The following RAB3C variants were observed in gnomAD, a reference collection of about 807,000 sequenced individuals.
The protein encoded by RAB3C is RAB3C, member RAS oncogene family, also known as ras-related protein Rab-3C.
RAB3C carries 17 observed loss-of-function variants against 26.4 expected under a neutral mutation model. The ratio of observed to expected loss-of-function variants is 0.64; its 90% CI spans 0.44 to 0.97. The LOEUF (loss-of-function observed/expected upper bound fraction) is 0.97, where lower values mean the gene tolerates loss of function less well. RAB3C is among the 50% of genes least tolerant of loss of function. The pLI, the probability that RAB3C is intolerant of heterozygous loss-of-function variation, is 0.00. For missense variants in RAB3C, 242 were observed against 281.9 expected, an observed-to-expected ratio of 0.86 and a Z score of 1.01; for synonymous variants, 91 against 95.9, an observed-to-expected ratio of 0.95 and a Z score of 0.30.
chr5:58,804,640 A>G (rs1479452506), intron 3 of RAB3C, among the ~76,000 whole-genome samples: 1 of 151,964 alleles, frequency 6.6e-6, no homozygotes, highest in African/African-American at 2.4e-5. Context: ...CCAGGGAGAG[A>G]AAGTCACAGT....
intron 2 of RAB3C, among the ~76,000 whole-genome samples, chr5:58,638,996 T>A (rs1405763531): frequency 1.4e-5 from 1 of 70,652 alleles, no homozygotes; most frequent in South Asian, 3.8e-4. Context: ...CACAGCTCCC[T>A]AGATCTACAC....
chr5:58,654,961 A>G (rs1182917069), intron 2 of RAB3C, among the ~76,000 whole-genome samples: 3 of 152,188 alleles, frequency 2.0e-5, no homozygotes, highest in Non-Finnish European at 2.9e-5. Context: ...ATGCACATAT[A>G]ATTTTAGGTA....
intron 3 of RAB3C, among the ~76,000 whole-genome samples, chr5:58,798,135 G>A (rs1244501918): frequency 6.6e-6 from 1 of 151,978 alleles, no homozygotes; most frequent in East Asian, 1.9e-4. Flanking sequence ...GCTAATATAG[G>A]GAAAATGACA....
At chr5:58,756,255 T>C (rs1022622199) in intron 3 of RAB3C, among the ~76,000 whole-genome samples, 4 of 149,348 alleles carry the variant, frequency 2.7e-5, no homozygotes, top group Admixed American at 6.7e-5. Flanking sequence ...GATGGCCCTT[T>C]ACGCCAAACA....
intron 2 of RAB3C, among the ~76,000 whole-genome samples, chr5:58,648,588 G>C (rs910394632): frequency 2.0e-5 from 3 of 152,130 alleles, no homozygotes; most frequent in African/African-American, 7.2e-5. Context: ...CTGGAAACTT[G>C]TTTCTTGAAA....
intron 3 of RAB3C, among the ~76,000 whole-genome samples, chr5:58,764,106 C>A (rs1741850268): frequency 6.6e-6 from 1 of 152,086 alleles, no homozygotes. Context: ...ATTTTGATAT[C>A]TTTTTGTGGA....
intron 2 of RAB3C, among the ~76,000 whole-genome samples, chr5:58,684,902 C>T (rs1748413347): frequency 6.6e-6 from 1 of 152,094 alleles, no homozygotes; most frequent in Non-Finnish European, 1.5e-5. Context: ...TTTAGAGGCC[C>T]AGTTCTGCCC....
At chr5:58,846,579 A>G (rs1177500210) in intron 4 of RAB3C, among the ~76,000 whole-genome samples, 3 of 152,062 alleles carry the variant, frequency 2.0e-5, no homozygotes, top group Non-Finnish European at 2.9e-5. Context: ...GCGTCTTACT[A>G]TGTAGGCCAG....
intron 3 of RAB3C, among the ~76,000 whole-genome samples, chr5:58,774,427 C>T (rs1579911488): frequency 6.6e-6 from 1 of 152,122 alleles, no homozygotes; most frequent in East Asian, 1.9e-4. Context: ...ATGCTTAAGT[C>T]TCTGTCTCTG....
At chr5:58,800,173 G>A (rs1027372577) in intron 3 of RAB3C, among the ~76,000 whole-genome samples, 3 of 152,140 alleles carry the variant, frequency 2.0e-5, no homozygotes, top group Non-Finnish European at 4.4e-5. Context: ...TGGCATTTGA[G>A]CCAGATTCTT....
chr5:58,608,918 C>T (rs1395917398), intron 1 of RAB3C, among the ~76,000 whole-genome samples: 8 of 152,144 alleles, frequency 5.3e-5, no homozygotes, highest in Admixed American at 5.2e-4. Flanking sequence ...AACCATCATT[C>T]TCAGCAAACT....
chr5:58,584,769 T>A (rs1745976755), intron 1 of RAB3C, among the ~76,000 whole-genome samples: 1 of 152,132 alleles, frequency 6.6e-6, no homozygotes, highest in African/African-American at 2.4e-5. Flanking sequence ...TAAAGTAAAC[T>A]ATGTATGCAC....
chr5:58,601,245 C>G (rs1746446464), intron 1 of RAB3C, among the ~76,000 whole-genome samples: 1 of 152,038 alleles, frequency 6.6e-6, no homozygotes, highest in Non-Finnish European at 1.5e-5. Flanking sequence ...ATTCGGTTAG[C>G]TAGTATTCTG....
intron 3 of RAB3C, among the ~76,000 whole-genome samples, chr5:58,739,465 T>A (rs551888329): frequency 8.3e-4 from 126 of 152,280 alleles, no homozygotes; most frequent in African/African-American, 2.9e-3. Context: ...AAGATAATTA[T>A]CCTAGTTATC....
intron 2 of RAB3C, among the ~76,000 whole-genome samples, chr5:58,671,248 A>C (rs1748112315): frequency 6.6e-6 from 1 of 152,130 alleles, no homozygotes. Context: ...TTCTCACAAC[A>C]ACCTTATGTC....
At chr5:58,775,217 T>C (rs958332158) in intron 3 of RAB3C, among the ~76,000 whole-genome samples, 2 of 152,094 alleles carry the variant, frequency 1.3e-5, no homozygotes, top group African/African-American at 2.4e-5. Flanking sequence ...TCTAGTCCCA[T>C]CTGGTTCATG....
intron 4 of RAB3C, among the ~76,000 whole-genome samples, chr5:58,827,475 C>T (rs1437994509): frequency 1.3e-5 from 2 of 152,150 alleles, no homozygotes; most frequent in African/African-American, 2.4e-5. Flanking sequence ...TAATAAATTA[C>T]TTGGATATTG....
At chr5:58,629,497 A>G (rs549379325) in intron 2 of RAB3C, among the ~76,000 whole-genome samples, 3 of 152,346 alleles carry the variant, frequency 2.0e-5, no homozygotes, top group South Asian at 4.1e-4. Context: ...AACTTACTAA[A>G]TAATGACATA....
chr5:58,626,233 G>T lies in RAB3C; in HGVS notation c.252+8363G>T, dbSNP rs541620376. Among the ~76,000 whole-genome samples the T allele has an allele frequency of 2.0e-5, 3 of 152,080 alleles. No individual in the cohort carries two copies. The South Asian group carries it at 6.2e-4, about 32-fold the overall frequency. On this transcript the variant is annotated intron_variant, in intron 2 of 4. Coordinates refer to ENST00000282878, the MANE Select transcript of RAB3C (RefSeq NM_138453.4). The stretch of plus-strand genomic sequence containing the variant: ...TTTTTTCTTATAAACCATGTTCATT[G>T]TCATTTGTTAGCCAAGTTGAGAGGA...
Sources: gnomAD v4.1 joint callset for allele counts (sites outside exome capture counted in the v4.1 genomes callset) on GRCh38, gnomAD v4.1.1 for gene constraint, MANE v1.5 for transcripts, NCBI Gene and HGNC (gene_info 2026-07-23, HGNC 2026-07-21) for gene names.